The following SEMA3C variants were observed in gnomAD, a reference collection of about 807,000 sequenced individuals.
SEMA3C encodes the protein semaphorin-3C.
Under a neutral mutation model 89.4 loss-of-function variants are expected in SEMA3C, and 47 were observed. The ratio of observed to expected loss-of-function variants is 0.53; its 90% CI spans 0.42 to 0.67. The LOEUF is 0.67. SEMA3C is among the 30% of genes least tolerant of loss of function. SEMA3C has a pLI of 0.00. For missense variants in SEMA3C, 839 were observed against 929.1 expected (o/e 0.90, Z 1.26); for synonymous variants, 310 against 320.2 (o/e 0.97, Z 0.34).
In SEMA3C at chr7:80,780,110, G is replaced by A. The variant is rs1788658809; in HGVS notation, c.1354+9196C>T. Reference sequence around the variant, plus strand: ...CCTTAGGAGCTCTAAGATAATAAATGTATGTAGTCTTAAGCCACAAATTTT... The same window carrying A: ...CCTTAGGAGCTCTAAGATAATAAATATATGTAGTCTTAAGCCACAAATTTT... On this transcript the variant is annotated intron_variant, in intron 12 of 17. Coordinates refer to ENST00000265361, the MANE Select transcript of SEMA3C (RefSeq NM_006379.5). Among the ~76,000 whole-genome samples the A allele has an allele frequency of 2.0e-5, 3 of 152,174 alleles. No individual in the cohort carries two copies. In the South Asian group the frequency reaches 6.2e-4, roughly 32 times the overall value.
At chr7:80,883,393 GTC>G (rs922117227) in intron 2 of SEMA3C, among the ~76,000 whole-genome samples, 1 of 152,196 alleles carries the variant, frequency 6.6e-6, no homozygotes, top group Non-Finnish European at 1.5e-5. Flanking sequence ...TCCCAGGAGT[GTC>G]TGTGTTTGAA....
In SEMA3C at chr7:80,829,925, C is replaced by A. The variant is rs372381808; in HGVS notation, c.104-1180G>T. On this transcript the variant is annotated intron_variant, in intron 2 of 17. Coordinates refer to ENST00000265361, the MANE Select transcript of SEMA3C (RefSeq NM_006379.5). ...TGACTGCTTCCATGATGAACTGTTT[C>A]TAGATTTTTAGGCATTGAATGACAA... Among the ~76,000 whole-genome samples, 189 of 152,288 alleles carry A rather than the reference C, an allele frequency of 1.2e-3. 5 individuals carry two copies. In the South Asian group the frequency reaches 0.037, roughly 30 times the overall value.
chr7:80,890,950 A>G (rs187849982), intron 2 of SEMA3C, among the ~76,000 whole-genome samples: 1 of 152,252 alleles, frequency 6.6e-6, no homozygotes, highest in African/African-American at 2.4e-5. Flanking sequence ...CCCTGTACTA[A>G]TAAGATTTAA....
At chr7:80,761,866 A>G (rs1788191182) in intron 13 of SEMA3C, among the ~76,000 whole-genome samples, 1 of 152,070 alleles carries the variant, frequency 6.6e-6, no homozygotes, top group Non-Finnish European at 1.5e-5. Context: ...GAGTTGTTAC[A>G]CAGATATATA....
intron 11 of SEMA3C, chr7:80,793,372 ATATACT>A (rs1788987298): frequency 3.3e-6 from 1 of 298,530 alleles, no homozygotes; most frequent in Non-Finnish European, 6.6e-6. Context: ...AGTTTTCAGA[ATATACT>A]TATATGTTAA....
chr7:80,834,094 G>T (rs1470558446), intron 2 of SEMA3C, among the ~76,000 whole-genome samples: 3 of 151,980 alleles, frequency 2.0e-5, no homozygotes, highest in African/African-American at 7.3e-5. Context: ...CTCAATTAAC[G>T]AATAAGGGAC....
chr7:80,904,643 T>C (rs73709362), intron 2 of SEMA3C, among the ~76,000 whole-genome samples: 2,695 of 152,296 alleles, frequency 0.018, 84 homozygotes, highest in African/African-American at 0.06. Flanking sequence ...CTAGATTGAA[T>C]AGTGTTCTCT....
At chr7:80,846,407 A>C (rs1173231930) in intron 2 of SEMA3C, among the ~76,000 whole-genome samples, 1 of 152,156 alleles carries the variant, frequency 6.6e-6, no homozygotes, top group East Asian at 1.9e-4. Flanking sequence ...CCCAGGCTGG[A>C]ATGCAGTTGC....
chr7:80,834,946 A>T (rs1490025755), intron 2 of SEMA3C, among the ~76,000 whole-genome samples: 3 of 151,864 alleles, frequency 2.0e-5, no homozygotes, highest in African/African-American at 4.8e-5. Context: ...GTTATTTTTT[A>T]TTTTTTTCTG....
At chr7:80,758,283 T>G in intron 15 of SEMA3C, 48 bp downstream of exon 15, 1 of 1,571,748 alleles carries the variant, frequency 6.4e-7, no homozygotes, top group Non-Finnish European at 8.6e-7. Context: ...ACTTCTGTAT[T>G]GTCTGGTGTC....
At chr7:80,747,939 T>A (rs2117025463) in intron 17 of SEMA3C, among the ~76,000 whole-genome samples, 1 of 152,262 alleles carries the variant, frequency 6.6e-6, no homozygotes, top group African/African-American at 2.4e-5. Context: ...AGAGTATTTT[T>A]CCATATGAAA....
intron 17 of SEMA3C, among the ~76,000 whole-genome samples, chr7:80,746,592 G>A (rs1233667795): frequency 6.6e-6 from 1 of 151,754 alleles, no homozygotes; most frequent in Non-Finnish European, 1.5e-5. Flanking sequence ...TTTGATAAGA[G>A]GAAAACAAGA....
chr7:80,831,366 GT>G (rs1326821070), intron 2 of SEMA3C, among the ~76,000 whole-genome samples: 2 of 152,116 alleles, frequency 1.3e-5, no homozygotes, highest in Non-Finnish European at 2.9e-5. Context: ...CTGTTGTCAA[GT>G]TTAATATACA....
chr7:80,902,384 T>C (rs537313691), intron 2 of SEMA3C, among the ~76,000 whole-genome samples: 1 of 152,340 alleles, frequency 6.6e-6, no homozygotes, highest in African/African-American at 2.4e-5. Flanking sequence ...TTCTTATTTC[T>C]ACCTCCTATC....
At chr7:80,768,723 G>A (rs1425836131) in intron 12 of SEMA3C, among the ~76,000 whole-genome samples, 1 of 152,026 alleles carries the variant, frequency 6.6e-6, no homozygotes, top group African/African-American at 2.4e-5. Flanking sequence ...AACTTCTAGG[G>A]AAATACAACA....
chr7:80,887,421 G>T (rs1197052457), intron 2 of SEMA3C, among the ~76,000 whole-genome samples: 1 of 152,064 alleles, frequency 6.6e-6, no homozygotes, highest in Non-Finnish European at 1.5e-5. Flanking sequence ...TCTCACTATG[G>T]TTCTATCTTC....
intron 2 of SEMA3C, among the ~76,000 whole-genome samples, chr7:80,912,332 G>C (rs114414247): frequency 0.011 from 1,621 of 152,162 alleles, 26 homozygotes; most frequent in African/African-American, 0.037. Flanking sequence ...TTGATTACCA[G>C]AGCCCTATAT....
At chr7:80,907,212 GA>G (rs1180934117) in intron 2 of SEMA3C, among the ~76,000 whole-genome samples, 4 of 151,852 alleles carry the variant, frequency 2.6e-5, no homozygotes, top group East Asian at 1.9e-4. Flanking sequence ...TCAGCTTAAA[GA>G]AAAAAAATTC....
At chr7:80,752,760 C>T (rs187319447) in intron 15 of SEMA3C, among the ~76,000 whole-genome samples, 427 of 152,166 alleles carry the variant, frequency 2.8e-3, no homozygotes, top group African/African-American at 9.7e-3. Flanking sequence ...AAGAAGTCGA[C>T]GTAGAGCAGC....
Sources: gnomAD v4.1 joint callset for allele counts (sites outside exome capture counted in the v4.1 genomes callset) on GRCh38, gnomAD v4.1.1 for gene constraint, MANE v1.5 for transcripts, NCBI Gene and HGNC (gene_info 2026-07-23, HGNC 2026-07-21) for gene names.